MEOX2: variants seen among roughly 807,000 people sequenced by gnomAD.
MEOX2 encodes homeobox protein MOX-2.
A neutral mutation model predicts 27.0 loss-of-function variants in MEOX2; 11 were observed. The observed-to-expected ratio is 0.41, with a 90% CI of 0.26 to 0.68. MEOX2 has a LOEUF of 0.68. Among genes scored for constraint, MEOX2 ranks in the 30% least tolerant of loss-of-function variants. The pLI is 0.33. For missense variants in MEOX2, 436 were observed against 385.4 expected (o/e 1.13, Z -1.10); for synonymous variants, 189 against 155.4 (o/e 1.22, Z -1.61).
At chr7:15,640,316 T>G (rs1781540369) in intron 1 of MEOX2, among the ~76,000 whole-genome samples, 1 of 151,778 alleles carries the variant, frequency 6.6e-6, no homozygotes, top group South Asian at 2.1e-4. Flanking sequence ...GGTCATTGAT[T>G]CAGTTCTGAG....
chr7:15,651,559 T>C (rs1781732655), intron 1 of MEOX2, among the ~76,000 whole-genome samples: 1 of 151,970 alleles, frequency 6.6e-6, no homozygotes, highest in Non-Finnish European at 1.5e-5. Flanking sequence ...CCTACATTTA[T>C]TTACACAATC....
chr7:15,627,051 G>T, intron 1 of MEOX2, 133 bp from the exon 2 acceptor site: 3 of 755,290 alleles, frequency 4.0e-6, no homozygotes, highest in Non-Finnish European at 6.2e-6. Flanking sequence ...ACCAAAGACA[G>T]CAAGACTGAC....
chr7:15,632,328 T>C (rs977841679), intron 1 of MEOX2, among the ~76,000 whole-genome samples: 2 of 151,868 alleles, frequency 1.3e-5, no homozygotes, highest in Admixed American at 1.3e-4. Flanking sequence ...GAATTCAGTT[T>C]TACCTTACAG....
In MEOX2 at chr7:15,612,342, T is replaced by C. The variant is rs1433862239; in HGVS notation, c.*45A>G. ...AACGATATTTGGGTAAGGCTTGCCATCACAACATTTCTTTCCTGAGAATGG... is the reference window on the plus strand; with the variant it reads ...AACGATATTTGGGTAAGGCTTGCCACCACAACATTTCTTTCCTGAGAATGG... On this transcript the variant is annotated 3_prime_UTR_variant, in exon 3 of 3. Coordinates refer to ENST00000262041, the MANE Select transcript of MEOX2 (RefSeq NM_005924.5). The C allele has an allele frequency of 6.7e-7, 1 of 1,496,074 alleles. No individual in the cohort carries two copies. Among genetic ancestry groups the C allele is most frequent in the Non-Finnish European group, 9.3e-7 (1 of 1,074,326 alleles). 92.7% of individuals were successfully genotyped at this position (1,496,074 alleles called of 1,614,324 possible).
chr7:15,677,991 T>A (rs1265076707), intron 1 of MEOX2, among the ~76,000 whole-genome samples: 1 of 152,030 alleles, frequency 6.6e-6, no homozygotes, highest in Non-Finnish European at 1.5e-5. Flanking sequence ...GGAGGAAAAA[T>A]TATTTATAAT....
chr7:15,678,479 A>C (rs1782238101), intron 1 of MEOX2, among the ~76,000 whole-genome samples: 2 of 152,156 alleles, frequency 1.3e-5, no homozygotes, highest in South Asian at 4.1e-4. Flanking sequence ...TAAATCAATG[A>C]TTTGCAAAAT....
intron 1 of MEOX2, among the ~76,000 whole-genome samples, chr7:15,661,012 C>CA (rs71004402): frequency 0.53 from 23,576 of 44,334 alleles, 8,983 homozygotes; most frequent in East Asian, 0.67. Flanking sequence ...GACTCAGTCT[C>CA]AAAAAAAAAA....
At chr7:15,662,214 T>C (rs540919528) in intron 1 of MEOX2, among the ~76,000 whole-genome samples, 63 of 152,088 alleles carry the variant, frequency 4.1e-4, no homozygotes, top group African/African-American at 1.5e-3. Context: ...AAGTCCATTA[T>C]CTAGAGAATT....
intron 1 of MEOX2, among the ~76,000 whole-genome samples, chr7:15,638,189 A>G (rs997817608): frequency 6.6e-6 from 1 of 152,120 alleles, no homozygotes; most frequent in African/African-American, 2.4e-5. Flanking sequence ...TTCTTTAAGC[A>G]ATCAGCAAGA....
chr7:15,674,816 G>A (rs912991258), intron 1 of MEOX2, among the ~76,000 whole-genome samples: 1 of 152,106 alleles, frequency 6.6e-6, no homozygotes, highest in African/African-American at 2.4e-5. Flanking sequence ...GGTGTGAACA[G>A]GAGAGGAGGA....
In MEOX2 at chr7:15,614,220, A is replaced by G. The variant is rs10230202; in HGVS notation, c.691-1609T>C. ...ATAAATAGATAAAATAAAATAAAATAAAATAAAATAAAATAAAATAAAATA... is the reference window on the plus strand; with the variant it reads ...ATAAATAGATAAAATAAAATAAAATGAAATAAAATAAAATAAAATAAAATA... On this transcript the variant is annotated intron_variant, in intron 2 of 2. Transcript: ENST00000262041. 4.9e-3 allele frequency among the ~76,000 whole-genome samples: 82 copies of G among 16,674 alleles called. 4 individuals carry two copies. Among genetic ancestry groups the G allele is most frequent in the East Asian group, 0.014 (3 of 208 alleles). The allele number at this position is 16,674 out of a possible 152,430, so 10.9% of individuals were successfully genotyped here. A position where few individuals can be genotyped will look rare whatever the true frequency, so the allele number is the denominator to read the frequency against.
At position 15,686,567 on chromosome 7, in the gene MEOX2, C is replaced by CGGCCA; in HGVS notation, c.-170_-166dup. On this transcript the variant is annotated 5_prime_UTR_variant, in exon 1 of 3. Transcript: ENST00000262041. ...GGATAATCCCGGTCCTGAGCCCCAG[C>CGGCCA]GGCCAGTCTCCTTTACATATGAACA... 1.5e-6 allele frequency: 1 copy of CGGCCA among 660,268 alleles called. No individual in the cohort carries two copies. The highest frequency in any genetic ancestry group is 2.6e-6 in the Non-Finnish European group (1 of 390,866). The allele number at this position is 660,268 out of a possible 1,614,324, so 40.9% of individuals were successfully genotyped here.
chr7:15,679,199 G>A (rs936537314), intron 1 of MEOX2: 1 of 152,072 alleles, frequency 6.6e-6, no homozygotes. Flanking sequence ...ATGTGTGGGT[G>A]TGAGTGTGCA....
intron 1 of MEOX2, among the ~76,000 whole-genome samples, chr7:15,638,159 A>T (rs1450612705): frequency 6.6e-6 from 1 of 152,132 alleles, no homozygotes; most frequent in Non-Finnish European, 1.5e-5. Flanking sequence ...GTATTTTAAA[A>T]GATCCACAAT....
chr7:15,614,691 A>T (rs1266012703), intron 2 of MEOX2, among the ~76,000 whole-genome samples: 1 of 152,086 alleles, frequency 6.6e-6, no homozygotes. Flanking sequence ...ACATTATCTT[A>T]TTAATTATAA....
In MEOX2 at chr7:15,686,169, GTGA is replaced by G. The variant is rs1413439532; in HGVS notation, c.231_233del (p.His80del). On this transcript the variant is annotated inframe_deletion, in exon 1 of 3. Transcript: ENST00000262041. ...CCTGGTGCTGCTGCTGCTGATGGTG[GTGA>G]TGGTGGTGGTGGTGGTGGTGGTGGT... The G allele has an allele frequency of 3.3e-6, 5 of 1,538,158 alleles. 1 individual carries two copies. In the South Asian group the frequency reaches 4.6e-5, roughly 14 times the overall value.
chr7:15,616,798 T>A (rs1781130021), intron 2 of MEOX2, among the ~76,000 whole-genome samples: 1 of 151,974 alleles, frequency 6.6e-6, no homozygotes, highest in Admixed American at 6.6e-5. Context: ...ATTCATACAT[T>A]TAAAAATATT....
At chr7:15,631,597 A>T (rs1446880087) in intron 1 of MEOX2, among the ~76,000 whole-genome samples, 1 of 151,808 alleles carries the variant, frequency 6.6e-6, no homozygotes, top group Non-Finnish European at 1.5e-5. Context: ...TTCTCAATAT[A>T]TTTAGGCTTA....
chr7:15,659,387 A>G (rs1333042184), intron 1 of MEOX2, among the ~76,000 whole-genome samples: 1 of 152,190 alleles, frequency 6.6e-6, no homozygotes, highest in Admixed American at 6.5e-5. Context: ...GGGTGTGTGC[A>G]TATAAAATGA....
Sources: allele counts gnomAD v4.1 joint callset (sites outside exome capture counted in the v4.1 genomes callset), GRCh38; gene constraint gnomAD v4.1.1; transcripts MANE v1.5; gene names NCBI Gene and HGNC (gene_info 2026-07-23, HGNC 2026-07-21).